SLCO1A2: variants seen among roughly 807,000 people sequenced by gnomAD.
SLCO1A2 encodes OATP-1.
Under a neutral mutation model 69.0 loss-of-function variants are expected in SLCO1A2, and 67 were observed. That is an observed-to-expected ratio of 0.97 (90% confidence interval 0.80 to 1.19). The LOEUF is 1.19. Among genes scored for constraint, SLCO1A2 ranks in the 50% most tolerant of loss-of-function variants. SLCO1A2 has a pLI of 0.00. For synonymous variants in SLCO1A2, 260 were observed against 265.9 expected, an observed-to-expected ratio of 0.98 and a Z score of 0.22; for missense variants, 787 against 793.7, an observed-to-expected ratio of 0.99 and a Z score of 0.10.
chr12:21,279,958 A>C (rs572299433), intron 12 of SLCO1A2, among the ~76,000 whole-genome samples: 2 of 146,768 alleles, frequency 1.4e-5, no homozygotes, highest in African/African-American at 2.6e-5. Context: ...GACAAAGTTA[A>C]AATGTAGAGT....
At chr12:21,376,649 T>C (rs887334013) in intron 1 of SLCO1A2, among the ~76,000 whole-genome samples, 8 of 151,270 alleles carry the variant, frequency 5.3e-5, no homozygotes, top group Non-Finnish European at 1.2e-4. Context: ...GGAAGAAATA[T>C]GGGAGTAAAA....
intron 3 of SLCO1A2, among the ~76,000 whole-genome samples, chr12:21,316,068 T>C (rs923096316): frequency 8.5e-5 from 13 of 152,162 alleles, no homozygotes; most frequent in Non-Finnish European, 1.3e-4. Flanking sequence ...CACCACCCAC[T>C]AGTGGTAGAA....
intron 2 of SLCO1A2, among the ~76,000 whole-genome samples, chr12:21,334,121 G>C (rs967234296): frequency 2.0e-5 from 3 of 151,960 alleles, no homozygotes; most frequent in Non-Finnish European, 2.9e-5. Context: ...TGACAAAATG[G>C]CCATTTTTCT....
chr12:21,360,134 G>T (rs1228070635), intron 2 of SLCO1A2, among the ~76,000 whole-genome samples: 1 of 152,112 alleles, frequency 6.6e-6, no homozygotes, highest in Admixed American at 6.6e-5. Flanking sequence ...CCTGAGGAGT[G>T]GGTTGGGGAG....
chr12:21,348,975 G>A (rs970374951), intron 2 of SLCO1A2, among the ~76,000 whole-genome samples: 2 of 152,120 alleles, frequency 1.3e-5, no homozygotes, highest in Admixed American at 6.6e-5. Flanking sequence ...TACTACTCTG[G>A]TAGAGTATGT....
intron 12 of SLCO1A2, among the ~76,000 whole-genome samples, chr12:21,281,315 T>C (rs1469473478): frequency 6.6e-6 from 1 of 152,002 alleles, no homozygotes; most frequent in Non-Finnish European, 1.5e-5. Context: ...CTGGGTGTGG[T>C]GGTGTGAGAC....
chr12:21,419,180 G>C (rs972156231), upstream of SLCO1A2: 1 of 152,662 alleles, frequency 6.6e-6, no homozygotes, highest in Admixed American at 6.5e-5. Context: ...AGCTTACTTG[G>C]ACAGGAAATT....
intron 2 of SLCO1A2, among the ~76,000 whole-genome samples, chr12:21,360,686 C>T (rs576508854): frequency 2.0e-5 from 3 of 152,206 alleles, no homozygotes; most frequent in Non-Finnish European, 4.4e-5. Context: ...ACACTCCCAC[C>T]CTAATACTGC....
At chr12:21,361,165 G>T (rs1432593971) in intron 2 of SLCO1A2, among the ~76,000 whole-genome samples, 1 of 152,156 alleles carries the variant, frequency 6.6e-6, no homozygotes, top group East Asian at 1.9e-4. Flanking sequence ...CTCATACGGG[G>T]GATGCCCCTC....
chr12:21,336,736 G>A (rs575424049), upstream of SLCO1A2, among the ~76,000 whole-genome samples: 22 of 152,040 alleles, frequency 1.4e-4, no homozygotes, highest in Admixed American at 5.9e-4. Context: ...CCCAAATCAG[G>A]AAATTCCGTG....
intron 14 of SLCO1A2, 112 bp from the exon 15 acceptor site, chr12:21,269,879 C>CTTTGTACAT: frequency 4.4e-6 from 3 of 688,010 alleles, no homozygotes; most frequent in Non-Finnish European, 6.5e-6. Context: ...GATGGTTTTG[C>CTTTGTACAT]ATGCTGATCT....
At chr12:21,394,368 C>T (rs79039976) in intron 1 of SLCO1A2, among the ~76,000 whole-genome samples, 5 of 118,390 alleles carry the variant, frequency 4.2e-5, no homozygotes, top group African/African-American at 1.6e-4. Context: ...CACATCTTTA[C>T]ACACACACAC....
chr12:21,296,911 T>G (rs1033206479), intron 9 of SLCO1A2, among the ~76,000 whole-genome samples: 2 of 152,248 alleles, frequency 1.3e-5, no homozygotes, highest in South Asian at 4.2e-4. Flanking sequence ...AAACCCAAGT[T>G]AGGCTAAAAC....
rs746934476 is a variant in SLCO1A2, at chr12:21,387,685, G to A, written c.-190+7221C>T. The stretch of plus-strand genomic sequence containing the variant: ...GCCCTCATGGACCCCTGCTAGCGCA[G>A]TGCAGAAGGGACATGCGGGGTTGGA... On this transcript the variant is annotated intron_variant, in intron 1 of 15. Coordinates refer to the SLCO1A2 transcript ENST00000307378. Among the ~76,000 whole-genome samples the A allele has an allele frequency of 1.0e-3, 152 of 152,346 alleles. 2 individuals carry two copies. Among genetic ancestry groups the A allele is most frequent in the Admixed American group, 5.2e-4 (8 of 15,306 alleles).
intron 8 of SLCO1A2, 113 bp downstream of exon 8, chr12:21,300,235 G>T: frequency 1.5e-6 from 1 of 665,766 alleles, no homozygotes; most frequent in Non-Finnish European, 2.4e-6. Context: ...GGTGACTGTT[G>T]ATGACAAATT....
intron 2 of SLCO1A2, among the ~76,000 whole-genome samples, chr12:21,321,422 CCTCT>C (rs1289012357): frequency 6.6e-6 from 1 of 152,194 alleles, no homozygotes; most frequent in African/African-American, 2.4e-5. Context: ...CTACCTCCAA[CCTCT>C]CTTTCACACG....
At chr12:21,319,638 C>G in intron 2 of SLCO1A2, 1 of 400,334 alleles carries the variant, frequency 2.5e-6, no homozygotes, top group Non-Finnish European at 4.6e-6. Context: ...GGGAAGCTTT[C>G]CTGAACCTTG....
intron 1 of SLCO1A2, chr12:21,379,390 C>T (rs992310480): frequency 3.9e-5 from 6 of 152,210 alleles, no homozygotes; most frequent in Non-Finnish European, 1.5e-5. Context: ...AAGTGGCTTT[C>T]AGCAAACCTC....
At chr12:21,407,817 A>T (rs1941844981) in intron 1 of SLCO1A2, among the ~76,000 whole-genome samples, 1 of 28,416 alleles carries the variant, frequency 3.5e-5, no homozygotes, top group Admixed American at 6.7e-4. Flanking sequence ...AAATAAAAAT[A>T]AATGAAAAAA....
Sources: allele counts gnomAD v4.1 joint callset (sites outside exome capture counted in the v4.1 genomes callset), GRCh38; gene constraint gnomAD v4.1.1; transcripts MANE v1.5; gene names NCBI Gene and HGNC (gene_info 2026-07-23, HGNC 2026-07-21).